TGFBR2: variants seen among roughly 807,000 people sequenced by gnomAD.
The protein encoded by TGFBR2 is TGF-beta receptor type-2.
Under a neutral mutation model 49.0 loss-of-function variants are expected in TGFBR2, and 18 were observed. The observed-to-expected ratio is 0.37, with a 90% CI of 0.25 to 0.54. The LOEUF (loss-of-function observed/expected upper bound fraction) is 0.54, where lower values mean the gene tolerates loss of function less well. Ranked by LOEUF, TGFBR2 falls within the 20% of genes least tolerant of loss-of-function variation. The probability of loss-of-function intolerance (pLI) is 0.85; values close to 1 mark genes in which losing one functional copy is unlikely to be tolerated. For missense variants in TGFBR2, 525 were observed against 722.6 expected (o/e 0.73, Z 3.13); for synonymous variants, 282 against 275.9 (o/e 1.02, Z -0.22).
chr3:30,631,547 T>G lies in TGFBR2; in HGVS notation c.95-13200T>G, dbSNP rs531531187. 6.6e-5 allele frequency among the ~76,000 whole-genome samples: 10 copies of G among 152,122 alleles called. No individual in the cohort carries two copies. The South Asian group carries it at 2.1e-3, about 32-fold the overall frequency. Reference sequence around the variant, plus strand: ...AAAATTGCCCAGTTTAAGGGCAGATTCTCAGATTTTGTTTCAAATTTCCTG... The same window carrying G: ...AAAATTGCCCAGTTTAAGGGCAGATGCTCAGATTTTGTTTCAAATTTCCTG... On this transcript the variant is annotated intron_variant, in intron 1 of 6. Transcript: ENST00000295754.
chr3:30,671,695 G>A lies in TGFBR2; in HGVS notation c.512G>A (p.Ser171Asn), dbSNP rs2125433350. Residue 171 changes from serine to asparagine, a missense_variant, in exon 4 of 7, where the codon AGC (serine) becomes AAC (asparagine). By Grantham distance (46) the Ser-to-Asn change is conservative. Transcript: ENST00000295754. The stretch of plus-strand genomic sequence containing the variant: ...GTCATATTTCAAGTGACAGGCATCA[G>A]CCTCCTGCCACCACTGGGAGTTGCC... The part of the protein sequence containing the change: ...LLVIFQVTGI[S>N]LLPPLGVAIS... The A allele has an allele frequency of 6.2e-7, 1 of 1,614,188 alleles. No homozygotes were observed. The highest frequency in any genetic ancestry group is 2.2e-5 in the East Asian group (1 of 44,876).
chr3:30,644,885 A>G lies in TGFBR2; in HGVS notation c.233A>G (p.Glu78Gly). Residue 78 changes from glutamate to glycine, a missense_variant, in exon 2 of 7, where the codon GAG becomes GGG. By Grantham distance (98) the Glu-to-Gly change is moderately conservative. Coordinates refer to ENST00000295754, the MANE Select transcript of TGFBR2 (RefSeq NM_003242.6). The part of the protein sequence containing the change: ...MSNCSITSIC[E>G]KPQEVCVAVW... ...AACTGCAGCATCACCTCCATCTGTG[A>G]GAAGCCACAGGAAGTCTGTGTGGCT... 6.2e-7 allele frequency: 1 copy of G among 1,614,162 alleles called. No homozygotes were observed. Among genetic ancestry groups the G allele is most frequent in the East Asian group, 2.2e-5 (1 of 44,884 alleles).
rs1699742931 is a variant in TGFBR2 at position 30,693,150 on chromosome 3, G to A, written c.*1551G>A. The A allele has an allele frequency of 4.3e-6, 1 of 233,236 alleles. No homozygotes were observed. Among genetic ancestry groups the A allele is most frequent in the Non-Finnish European group, 8.5e-6 (1 of 118,006 alleles). 14.4% of individuals were successfully genotyped at this position (233,236 alleles called of 1,614,324 possible). A position where few individuals can be genotyped will look rare whatever the true frequency, so the allele number is the denominator to read the frequency against. On this transcript the variant is annotated 3_prime_UTR_variant, in exon 7 of 7. Transcript: ENST00000295754. ...CCTTTAAGGGTCTCAGTTAGCCCAA[G>A]TTTCTTTTGCTTATATGTTAATAGT...
intron 1 of TGFBR2, among the ~76,000 whole-genome samples, chr3:30,637,707 CT>C (rs1301648813): frequency 6.6e-6 from 1 of 152,130 alleles, no homozygotes; most frequent in Non-Finnish European, 1.5e-5. Context: ...CTGCCCTCTG[CT>C]TTTTAGTCGT....
In TGFBR2 at chr3:30,648,460, A is replaced by C. The variant is rs6780188; in HGVS notation, c.264-1810A>C. Among the ~76,000 whole-genome samples, 1,338 of 142,350 alleles carry C rather than the reference A, an allele frequency of 9.4e-3. 24 individuals carry two copies. Among genetic ancestry groups the C allele is most frequent in the African/African-American group, 0.029 (1,108 of 38,174 alleles). 93.4% of individuals were successfully genotyped at this position (142,350 alleles called of 152,430 possible). A position where few individuals can be genotyped will look rare whatever the true frequency, so the allele number is the denominator to read the frequency against. Reference sequence around the variant, plus strand: ...CACACACACACACACACACACACACACAAAACTGTGGGGGCAGGGAGGAAG... The same window carrying C: ...CACACACACACACACACACACACACCCAAAACTGTGGGGGCAGGGAGGAAG... On this transcript the variant is annotated intron_variant, in intron 2 of 6. Coordinates refer to ENST00000295754, the MANE Select transcript of TGFBR2 (RefSeq NM_003242.6).
intron 1 of TGFBR2, among the ~76,000 whole-genome samples, chr3:30,632,301 C>T (rs1195856359): frequency 6.6e-6 from 1 of 152,194 alleles, no homozygotes; most frequent in African/African-American, 2.4e-5. Flanking sequence ...GATCAGCTCT[C>T]GCCTGATAAA....
At chr3:30,650,181 T>C in intron 2 of TGFBR2, 89 bp from the exon 3 acceptor site, 3 of 1,308,836 alleles carry the variant, frequency 2.3e-6, no homozygotes, top group Admixed American at 3.4e-5. Context: ...GTATTCCAGA[T>C]TGCCTTTCTG....
intron 1 of TGFBR2, among the ~76,000 whole-genome samples, chr3:30,630,071 G>A (rs1408364435): frequency 6.6e-6 from 1 of 152,084 alleles, no homozygotes; most frequent in Non-Finnish European, 1.5e-5. Context: ...TTTTTACACT[G>A]GACATCACAA....
intron 2 of TGFBR2, among the ~76,000 whole-genome samples, chr3:30,649,166 G>T (rs3773624): frequency 0.13 from 20,371 of 151,992 alleles, 1,642 homozygotes; most frequent in East Asian, 0.38. Context: ...CCTTCCTTCC[G>T]CTCCCTCTCT....
At chr3:30,625,260 A>G (rs1698312976) in intron 1 of TGFBR2, among the ~76,000 whole-genome samples, 1 of 152,226 alleles carries the variant, frequency 6.6e-6, no homozygotes, top group South Asian at 2.1e-4. Context: ...TAAAGATCCT[A>G]GGAAGAGAAA....
rs1238954726 is a variant in TGFBR2, at chr3:30,606,799, G to A, written c.-85G>A. On this transcript the variant is annotated 5_prime_UTR_variant, in exon 1 of 7. Transcript: ENST00000295754. The stretch of plus-strand genomic sequence containing the variant: ...GCCCGGCGCGGGGTCCGGAGAGGGC[G>A]CGGCGCGGAGGCGCAGCCAGGGGTC... 28 of 1,025,010 alleles carry A rather than the reference G, an allele frequency of 2.7e-5. No individual in the cohort carries two copies. Among genetic ancestry groups the A allele is most frequent in the Non-Finnish European group, 3.6e-5 (28 of 778,424 alleles). 63.5% of individuals were successfully genotyped at this position (1,025,010 alleles called of 1,614,324 possible).
intron 1 of TGFBR2, among the ~76,000 whole-genome samples, chr3:30,618,299 G>A (rs1373073809): frequency 6.8e-6 from 1 of 146,386 alleles, no homozygotes; most frequent in African/African-American, 2.6e-5. Flanking sequence ...GCGCAATCTC[G>A]GCTCGCTGCA....
At chr3:30,681,748 G>C (rs1346276055) in intron 5 of TGFBR2, among the ~76,000 whole-genome samples, 1 of 152,182 alleles carries the variant, frequency 6.6e-6, no homozygotes, top group Admixed American at 6.5e-5. Context: ...ACAGTCTGAG[G>C]GTGAGACAAA....
chr3:30,651,764 C>A (rs1200224137), intron 3 of TGFBR2, among the ~76,000 whole-genome samples: 3 of 152,196 alleles, frequency 2.0e-5, no homozygotes, highest in Non-Finnish European at 4.4e-5. Context: ...TGAATAAGCA[C>A]TACTAAACTA....
intron 1 of TGFBR2, among the ~76,000 whole-genome samples, chr3:30,629,438 T>C (rs1698396346): frequency 6.6e-6 from 1 of 152,204 alleles, no homozygotes; most frequent in Non-Finnish European, 1.5e-5. Context: ...GACTTCCTTT[T>C]ATTGCTAAGT....
At chr3:30,690,581 C>A (rs563053882) in intron 6 of TGFBR2, among the ~76,000 whole-genome samples, 16 of 152,302 alleles carry the variant, frequency 1.1e-4, no homozygotes, top group Non-Finnish European at 1.5e-4. Flanking sequence ...GAAAATGAAA[C>A]CATGCTAATG....
intron 3 of TGFBR2, among the ~76,000 whole-genome samples, chr3:30,652,207 A>G (rs1414569118): frequency 2.5e-5 from 3 of 121,166 alleles, no homozygotes; most frequent in African/African-American, 6.4e-5. Flanking sequence ...TAAATGGTCC[A>G]TTTCTCTCGT....
At chr3:30,623,193 T>G in intron 1 of TGFBR2, 1 of 1,442,018 alleles carries the variant, frequency 6.9e-7, no homozygotes, top group Non-Finnish European at 9.8e-7. Flanking sequence ...TTATCCTGTT[T>G]TACAGATGTG....
intron 3 of TGFBR2, among the ~76,000 whole-genome samples, chr3:30,651,953 C>T (rs1212610398): frequency 6.6e-6 from 1 of 152,260 alleles, no homozygotes; most frequent in Non-Finnish European, 1.5e-5. Context: ...CACCCTATCT[C>T]TGCGGCCATG....
Sources: allele counts gnomAD v4.1 joint callset (sites outside exome capture counted in the v4.1 genomes callset), GRCh38; gene constraint gnomAD v4.1.1; transcripts MANE v1.5; gene names NCBI Gene and HGNC (gene_info 2026-07-23, HGNC 2026-07-21).